Variants in GRIN2B observed in about 807,000 individuals in gnomAD.
GRIN2B encodes the protein glutamate receptor ionotropic, NMDA 2B.
A neutral mutation model predicts 114.5 loss-of-function variants in GRIN2B; 5 were observed. The ratio of observed to expected loss-of-function variants is 0.04; its 90% confidence interval spans 0.02 to 0.09. The LOEUF (loss-of-function observed/expected upper bound fraction) is 0.09. Among genes scored for constraint, GRIN2B ranks in the 10% least tolerant of loss-of-function variants. The pLI, the probability that GRIN2B is intolerant of heterozygous loss-of-function variation, is 1.00. For synonymous variants in GRIN2B, 787 were observed against 745.1 expected (o/e 1.06, Z -0.92); for missense variants, 1,108 against 1,943.5 (o/e 0.57, Z 8.08).
chr12:13,712,852 A>C (rs1004620894), intron 4 of GRIN2B, among the ~76,000 whole-genome samples: 2 of 151,920 alleles, frequency 1.3e-5, no homozygotes, highest in African/African-American at 4.8e-5. Flanking sequence ...CACATCTTCA[A>C]ACAGTTCTTG....
chr12:13,636,202 T>C (rs11055558), intron 5 of GRIN2B, among the ~76,000 whole-genome samples: 41,114 of 152,108 alleles, frequency 0.27, 6,183 homozygotes, highest in Middle Eastern at 0.43. Context: ...CAAAGATCTT[T>C]TGATGTGGCT....
rs56360153 is a variant in GRIN2B at position 13,717,066 on chromosome 12, CGTGTGTGTGTGTGT to C, written c.1010+36237_1010+36250del. On this transcript the variant is annotated intron_variant, in intron 4 of 13. Transcript: ENST00000609686. Reference sequence around the variant, plus strand: ...TGTTTGCATTGTATCATGCCATACGCGTGTGTGTGTGTGTGTGTGTGTGTGTGTGTGTGTGTATT... The same window carrying C: ...TGTTTGCATTGTATCATGCCATACGCGTGTGTGTGTGTGTGTGTGTGTATT... 6.7e-4 allele frequency among the ~76,000 whole-genome samples: 98 copies of C among 146,038 alleles called. No individual in the cohort carries two copies. In the East Asian group the frequency reaches 0.013, roughly 19 times the overall value.
intron 2 of GRIN2B, among the ~76,000 whole-genome samples, chr12:13,932,157 C>A (rs577467488): frequency 6.6e-6 from 1 of 152,284 alleles, no homozygotes; most frequent in South Asian, 2.1e-4. Flanking sequence ...ACATTCCAAT[C>A]ACATTGACTG....
chr12:13,734,297 G>A (rs1863144366), intron 4 of GRIN2B, among the ~76,000 whole-genome samples: 1 of 152,188 alleles, frequency 6.6e-6, no homozygotes, highest in African/African-American at 2.4e-5. Flanking sequence ...CTCTGCAGGT[G>A]GCAAGAAAGG....
At chr12:13,781,435 A>G (rs1864111004) in intron 3 of GRIN2B, among the ~76,000 whole-genome samples, 2 of 152,252 alleles carry the variant, frequency 1.3e-5, no homozygotes, top group South Asian at 2.1e-4. Context: ...ATAGCATACC[A>G]AACAAGGGAG....
chr12:13,924,579 G>A (rs777168722), intron 2 of GRIN2B, among the ~76,000 whole-genome samples: 79 of 152,168 alleles, frequency 5.2e-4, no homozygotes, highest in Non-Finnish European at 1.0e-3. Context: ...CCTCCTGACT[G>A]CTCTCTCCTG....
At chr12:13,665,525 T>C (rs1048433487) in intron 5 of GRIN2B, among the ~76,000 whole-genome samples, 1 of 152,114 alleles carries the variant, frequency 6.6e-6, no homozygotes, top group East Asian at 1.9e-4. Flanking sequence ...TTATACTCCA[T>C]GTATTGAGGC....
chr12:13,567,618 A>G (rs1237047321), intron 12 of GRIN2B, among the ~76,000 whole-genome samples: 2 of 152,170 alleles, frequency 1.3e-5, no homozygotes, highest in Admixed American at 6.5e-5. Flanking sequence ...AATTGGTGAC[A>G]GTAATTCTGT....
chr12:13,712,640 A>C (rs932483978), intron 4 of GRIN2B, among the ~76,000 whole-genome samples: 9 of 151,768 alleles, frequency 5.9e-5, no homozygotes, highest in Admixed American at 2.0e-4. Flanking sequence ...TAAATGTTGA[A>C]ACACCTAGTG....
intron 3 of GRIN2B, among the ~76,000 whole-genome samples, chr12:13,801,136 T>G (rs1864504579): frequency 6.6e-6 from 1 of 152,172 alleles, no homozygotes; most frequent in African/African-American, 2.4e-5. Context: ...ACCTGCCATA[T>G]CAACATATAC....
At chr12:13,567,929 G>A (rs1948662705) in intron 12 of GRIN2B, among the ~76,000 whole-genome samples, 2 of 151,964 alleles carry the variant, frequency 1.3e-5, no homozygotes, top group African/African-American at 2.4e-5. Context: ...ATAATCAAAC[G>A]AGTGATTCAG....
intron 4 of GRIN2B, among the ~76,000 whole-genome samples, chr12:13,700,775 A>T (rs906975692): frequency 6.6e-6 from 1 of 152,242 alleles, no homozygotes; most frequent in Non-Finnish European, 1.5e-5. Context: ...TTGTTAGCAG[A>T]TAAATAAGTG....
At chr12:13,631,887 CTTAA>C (rs1318710538) in intron 5 of GRIN2B, among the ~76,000 whole-genome samples, 1 of 152,164 alleles carries the variant, frequency 6.6e-6, no homozygotes, top group Non-Finnish European at 1.5e-5. Flanking sequence ...ACAAACATAG[CTTAA>C]TTAATTAGTC....
chr12:13,805,185 T>C (rs1864579828), intron 3 of GRIN2B, among the ~76,000 whole-genome samples: 1 of 152,182 alleles, frequency 6.6e-6, no homozygotes, highest in South Asian at 2.1e-4. Context: ...TAGTCATCTC[T>C]ATTTTACAAT....
At chr12:13,684,818 G>A (rs908384491) in intron 4 of GRIN2B, among the ~76,000 whole-genome samples, 2 of 152,188 alleles carry the variant, frequency 1.3e-5, no homozygotes, top group African/African-American at 4.8e-5. Flanking sequence ...TACCAAGGCA[G>A]ATCAAAGGCT....
intron 3 of GRIN2B, among the ~76,000 whole-genome samples, chr12:13,796,937 A>G (rs542202465): frequency 1.3e-5 from 2 of 152,310 alleles, no homozygotes; most frequent in African/African-American, 4.8e-5. Context: ...TTGACAAACA[A>G]TATGATTCCT....
At chr12:13,850,610 G>A (rs1039421154) in intron 3 of GRIN2B, among the ~76,000 whole-genome samples, 4 of 151,964 alleles carry the variant, frequency 2.6e-5, no homozygotes, top group Admixed American at 6.6e-5. Context: ...CTCTCCCTTG[G>A]CTATTCCCTT....
chr12:13,754,402 G>A (rs2057065249), intron 3 of GRIN2B, among the ~76,000 whole-genome samples: 1 of 152,098 alleles, frequency 6.6e-6, no homozygotes, highest in African/African-American at 2.4e-5. Flanking sequence ...TGGATTTCTT[G>A]CTTGTGAAAG....
intron 10 of GRIN2B, among the ~76,000 whole-genome samples, chr12:13,603,630 T>C (rs1274231592): frequency 6.6e-6 from 1 of 151,756 alleles, no homozygotes; most frequent in Non-Finnish European, 1.5e-5. Context: ...ATAATAACAA[T>C]GATAATCATT....
Sources: gnomAD v4.1 joint callset for allele counts (sites outside exome capture counted in the v4.1 genomes callset) on GRCh38, gnomAD v4.1.1 for gene constraint, MANE v1.5 for transcripts, NCBI Gene and HGNC (gene_info 2026-07-23, HGNC 2026-07-21) for gene names.